NUBP2: variants seen among roughly 807,000 people sequenced by gnomAD.
NUBP2 encodes the protein cytosolic Fe-S cluster assembly factor NUBP2.
A neutral mutation model predicts 24.9 loss-of-function variants in NUBP2; 23 were observed. The ratio of observed to expected loss-of-function variants is 0.92; its 90% confidence interval spans 0.66 to 1.31. NUBP2 has a LOEUF of 1.31. Ranked by LOEUF, NUBP2 falls within the 50% of genes most tolerant of loss-of-function variation. The pLI is 0.00. For synonymous variants in NUBP2, 186 were observed against 170.9 expected (o/e 1.09, Z -0.69); for missense variants, 403 against 386.5 (o/e 1.04, Z -0.36).
In NUBP2 at chr16:1,786,865, G is replaced by C; in HGVS notation, c.244G>C (p.Asp82His). The C allele has an allele frequency of 6.3e-7, 1 of 1,590,732 alleles. No individual in the cohort carries two copies. Among genetic ancestry groups the C allele is most frequent in the Non-Finnish European group, 8.6e-7 (1 of 1,164,152 alleles). Residue 82 changes from aspartate to histidine, a missense_variant, in exon 3 of 7, where the codon GAC becomes CAC. By Grantham distance (81) the Asp-to-His change is moderately conservative (BLOSUM62 -1). Coordinates refer to ENST00000262302, the MANE Select transcript of NUBP2 (RefSeq NM_012225.4). Reference sequence around the variant, plus strand: ...CCGCGGCTGGGCACCCGTCTTCCTGGACCGGGAGCAGAGCATCTCGCTCAT... The same window carrying C: ...CCGCGGCTGGGCACCCGTCTTCCTGCACCGGGAGCAGAGCATCTCGCTCAT... ...CDRGWAPVFLDREQSISLMSV... is the reference protein window; with the variant it reads ...CDRGWAPVFLHREQSISLMSV...
intron 1 of NUBP2, chr16:1,783,312 T>C (rs1412513274): frequency 5.0e-5 from 56 of 1,122,438 alleles, no homozygotes; most frequent in Non-Finnish European, 6.0e-5. Context: ...CACCGCGTTG[T>C]AGGCGGGCGC....
At chr16:1,787,547 TG>T in intron 3 of NUBP2, 129 bp from the exon 4 acceptor site, 1 of 1,225,960 alleles carries the variant, frequency 8.2e-7, no homozygotes, top group Non-Finnish European at 1.2e-6. Flanking sequence ...GAGCCTGTGA[TG>T]GAGGCTGGTG....
chr16:1,783,586 G>A, intron 1 of NUBP2: 2 of 753,048 alleles, frequency 2.7e-6, no homozygotes, highest in Non-Finnish European at 3.2e-6. Context: ...CCTGAGTAGT[G>A]GGAGCCGCAT....
chr16:1,786,452 G>C, intron 1 of NUBP2, 85 bp from the exon 2 acceptor site: 2 of 1,172,644 alleles, frequency 1.7e-6, no homozygotes, highest in Non-Finnish European at 2.4e-6. Flanking sequence ...TCAGAACGTG[G>C]GTGCAAGAGG....
At chr16:1,786,733 C>T (rs2142002806) in intron 2 of NUBP2, 24 bp from the exon 3 acceptor site, 1 of 1,611,432 alleles carries the variant, frequency 6.2e-7, no homozygotes, top group Non-Finnish European at 8.5e-7. Context: ...GTGCCCCCGG[C>T]CTAGGCTGTG....
rs767147233 is a variant in NUBP2 at position 1,788,134 on chromosome 16, C to G, written c.601-4C>G. 1.3e-6 allele frequency: 2 copies of G among 1,552,954 alleles called. No individual in the cohort carries two copies. The highest frequency in any genetic ancestry group is 2.4e-5 in the South Asian group (2 of 82,462). ...GCAGTGCTGGGCTCACCACCGTCTC[C>G]TAGGAGTGCACCAGCGTCTTCTCCA... On this transcript the variant is annotated splice_polypyrimidine_tract_variant and splice_region_variant and intron_variant, in intron 5 of 6. Transcript: ENST00000262302.
chr16:1,783,499 A>G (rs1325807355), intron 1 of NUBP2: 2 of 988,824 alleles, frequency 2.0e-6, no homozygotes, highest in Non-Finnish European at 2.4e-6. Context: ...CTCAGTGTTC[A>G]GAAAAGTGTA....
chr16:1,787,389 G>A (rs1350137079), intron 3 of NUBP2: 3 of 523,278 alleles, frequency 5.7e-6, no homozygotes, highest in East Asian at 3.1e-5. Context: ...GGGTACAGAC[G>A]CCTGGAGGGT....
chr16:1,787,514 T>A (rs1897033199), intron 3 of NUBP2, 163 bp from the exon 4 acceptor site: 3 of 919,330 alleles, frequency 3.3e-6, no homozygotes, highest in African/African-American at 1.6e-5. Flanking sequence ...TTTGCACTCC[T>A]GCAGCGGGCC....
chr16:1,785,426 G>A, intron 1 of NUBP2: 2 of 1,177,024 alleles, frequency 1.7e-6, no homozygotes, highest in East Asian at 6.0e-5. Flanking sequence ...AGAGCCCCTG[G>A]GGGTTAACAC....
At chr16:1,785,275 C>T (rs954438909) in intron 1 of NUBP2, 25 of 1,041,910 alleles carry the variant, frequency 2.4e-5, no homozygotes, top group African/African-American at 2.0e-4. Context: ...TAGGAGCTGC[C>T]TCAGTTTGCT....
In NUBP2 at chr16:1,788,996, G is replaced by A. The variant is rs1263796800; in HGVS notation, c.*282G>A. On this transcript the variant is annotated 3_prime_UTR_variant, in exon 7 of 7. Transcript: ENST00000262302. ...TTGCCTACCTGTGCCCCTGGCAGCC[G>A]CGTGTCCACACAGTTAGCGGAGCGC... 4.8e-5 allele frequency: 21 copies of A among 441,810 alleles called. No individual in the cohort carries two copies. Among genetic ancestry groups the A allele is most frequent in the East Asian group, 4.7e-4 (12 of 25,268 alleles). The allele number at this position is 441,810 out of a possible 1,614,324, so 27.4% of individuals were successfully genotyped here. A position where few individuals can be genotyped will look rare whatever the true frequency, so the allele number is the denominator to read the frequency against.
At chr16:1,783,611 A>G (rs2141997507) in intron 1 of NUBP2, 1 of 527,774 alleles carries the variant, frequency 1.9e-6, no homozygotes, top group Non-Finnish European at 2.4e-6. Context: ...CTTCTAAGAG[A>G]CCTCGAGTCC....
chr16:1,787,428 C>T (rs907813412), intron 3 of NUBP2: 7 of 574,028 alleles, frequency 1.2e-5, no homozygotes, highest in Admixed American at 3.1e-5. Flanking sequence ...TTTGGGGCCT[C>T]GGGGAGTCAG....
At chr16:1,785,051 C>G in intron 1 of NUBP2, 1 of 982,112 alleles carries the variant, frequency 1.0e-6, no homozygotes, top group Non-Finnish European at 1.2e-6. Flanking sequence ...GACCCCCTCT[C>G]AAAATAAAAA....
chr16:1,788,086 C>A (rs201342708), intron 5 of NUBP2, 35 bp downstream of exon 5: 49 of 1,560,170 alleles, frequency 3.1e-5, no homozygotes, highest in Non-Finnish European at 4.1e-5. Flanking sequence ...GGCGAGGCAG[C>A]ACCTGGCCGG....
At position 1,787,656 on chromosome 16, in the gene NUBP2, C is replaced by T. The variant is rs768458993; in HGVS notation, c.335-21C>T. 5.4e-5 allele frequency: 87 copies of T among 1,609,792 alleles called. 1 individual carries two copies. Among genetic ancestry groups the T allele is most frequent in the Non-Finnish European group, 6.6e-5 (78 of 1,178,474 alleles). On this transcript the variant is annotated intron_variant, in intron 3 of 6. Coordinates refer to ENST00000262302, the MANE Select transcript of NUBP2 (RefSeq NM_012225.4). ...GCAGACCTGCCCTGCCCTGACCGCC[C>T]CGTCTGCCCCGTCTTTGCAGCGCTG...
intron 6 of NUBP2, among the ~76,000 whole-genome samples, 169 bp from the exon 7 acceptor site, chr16:1,788,399 CG>C: frequency 6.6e-6 from 1 of 152,298 alleles, no homozygotes; most frequent in African/African-American, 2.4e-5. Flanking sequence ...AGGGCCCTCT[CG>C]GGTGGCAGGA....
In NUBP2 at chr16:1,783,442, G is replaced by C; in HGVS notation, c.16+406G>C. On this transcript the variant is annotated intron_variant, in intron 1 of 6. Transcript: ENST00000262302. ...CGCGCGCAGTCATGAAAGTAAGACG[G>C]ACGCCAGAATCTCACATGCTTTTAA... The C allele has an allele frequency of 3.0e-6, 3 of 1,008,436 alleles. No individual in the cohort carries two copies. In the South Asian group the frequency reaches 1.4e-4, roughly 47 times the overall value. The allele number at this position is 1,008,436 out of a possible 1,614,324, so 62.5% of individuals were successfully genotyped here.
Sources: gnomAD v4.1 joint callset for allele counts (sites outside exome capture counted in the v4.1 genomes callset) on GRCh38, gnomAD v4.1.1 for gene constraint, MANE v1.5 for transcripts, NCBI Gene and HGNC (gene_info 2026-07-23, HGNC 2026-07-21) for gene names.